Variants in SORBS2 observed in about 807,000 individuals in gnomAD.
SORBS2 encodes the protein sorbin and SH3 domain-containing protein 2.
SORBS2 carries 46 observed loss-of-function variants against 97.7 expected under a neutral mutation model. The observed-to-expected ratio is 0.47, with a 90% CI of 0.37 to 0.60. The LOEUF (loss-of-function observed/expected upper bound fraction) is 0.60, where lower values mean the gene tolerates loss of function less well. Ranked by LOEUF, SORBS2 falls within the 20% of genes least tolerant of loss-of-function variation. The pLI, the probability that SORBS2 is intolerant of heterozygous loss-of-function variation, is 0.00. For synonymous variants in SORBS2, 476 were observed against 473.4 expected, an observed-to-expected ratio of 1.01 and a Z score of -0.07; for missense variants, 1,316 against 1,282.3, an observed-to-expected ratio of 1.03 and a Z score of -0.40.
At chr4:185,614,575 C>A in intron 11 of SORBS2, 1 of 432,014 alleles carries the variant, frequency 2.3e-6, no homozygotes, top group Non-Finnish European at 4.1e-6. Context: ...TTTTCAGCCC[C>A]ATGCCCGGCT....
At chr4:185,897,139 C>G (rs11733555) in intron 1 of SORBS2, among the ~76,000 whole-genome samples, 112,294 of 152,062 alleles carry the variant, frequency 0.74, 41,524 homozygotes, top group Middle Eastern at 0.86. Flanking sequence ...TCCTCCAGGA[C>G]CGTCACAGTA....
At chr4:185,688,317 G>A (rs1043456538) in intron 2 of SORBS2, among the ~76,000 whole-genome samples, 1 of 151,622 alleles carries the variant, frequency 6.6e-6, no homozygotes, top group Non-Finnish European at 1.5e-5. Flanking sequence ...ATTTAAATAG[G>A]AATATATATT....
intron 1 of SORBS2, among the ~76,000 whole-genome samples, chr4:185,792,791 A>G (rs1032754802): frequency 6.6e-6 from 1 of 152,244 alleles, no homozygotes; most frequent in African/African-American, 2.4e-5. Flanking sequence ...TGAGAAATGT[A>G]ACATTTTCTT....
At chr4:185,948,151 G>T (rs1306883191) in intron 1 of SORBS2, among the ~76,000 whole-genome samples, 2 of 152,108 alleles carry the variant, frequency 1.3e-5, no homozygotes, top group Admixed American at 6.6e-5. Context: ...ATCCTCTGAT[G>T]CAGCTTCTCT....
chr4:185,928,491 C>T (rs986144355), intron 1 of SORBS2, among the ~76,000 whole-genome samples: 6 of 152,264 alleles, frequency 3.9e-5, no homozygotes, highest in African/African-American at 9.6e-5. Context: ...TTGAGCACTG[C>T]GGGAGAGTCA....
At chr4:185,672,191 A>G (rs891356808) in intron 4 of SORBS2, among the ~76,000 whole-genome samples, 4 of 152,208 alleles carry the variant, frequency 2.6e-5, no homozygotes, top group Non-Finnish European at 5.9e-5. Context: ...TGTCCTCCTT[A>G]GTATCTACAT....
rs143426605 is a variant in SORBS2, at chr4:185,687,449, T to C, written c.-197-8627A>G. ...TAATATTAGTAAGTAATTCTTGTTA[T>C]AAAGAAAGAAATAAAACTATTTTCT... On this transcript the variant is annotated intron_variant, in intron 2 of 20. Transcript: ENST00000284776. 6.7e-3 allele frequency among the ~76,000 whole-genome samples: 1,026 copies of C among 152,372 alleles called. 14 individuals carry two copies. The highest frequency in any genetic ancestry group is 0.024 in the African/African-American group (990 of 41,596).
intron 1 of SORBS2, among the ~76,000 whole-genome samples, chr4:185,907,742 T>C (rs1248130001): frequency 6.6e-6 from 1 of 152,216 alleles, no homozygotes; most frequent in East Asian, 1.9e-4. Flanking sequence ...GCTAAGCACA[T>C]GCACTCTCTC....
At chr4:185,789,311 C>G (rs1483551191) in intron 1 of SORBS2, among the ~76,000 whole-genome samples, 1 of 152,110 alleles carries the variant, frequency 6.6e-6, no homozygotes, top group Non-Finnish European at 1.5e-5. Context: ...CTTAAGCAGT[C>G]CTGTAGAGAA....
chr4:185,852,684 G>C (rs1038787370), intron 1 of SORBS2, among the ~76,000 whole-genome samples: 1 of 152,162 alleles, frequency 6.6e-6, no homozygotes, highest in Admixed American at 6.5e-5. Context: ...CTCTGCGGTA[G>C]GTTATTCTGC....
intron 12 of SORBS2, among the ~76,000 whole-genome samples, chr4:185,602,869 C>G (rs1399932557): frequency 6.6e-6 from 1 of 152,094 alleles, no homozygotes; most frequent in East Asian, 1.9e-4. Context: ...CTTTCAATGA[C>G]TACAAAATAG....
intron 1 of SORBS2, among the ~76,000 whole-genome samples, chr4:185,886,366 T>C (rs986697447): frequency 2.0e-5 from 3 of 151,830 alleles, no homozygotes; most frequent in African/African-American, 7.3e-5. Context: ...CCAGCCTGGC[T>C]AACACAGTGA....
chr4:185,622,913 C>T lies in SORBS2; in HGVS notation c.2215+1G>A. 6.2e-7 allele frequency: 1 copy of T among 1,601,442 alleles called. No homozygotes were observed. The highest frequency in any genetic ancestry group is 8.5e-7 in the Non-Finnish European group (1 of 1,173,282). ...GGAAAAAGAAAGAAAAGCTCATCCA[C>T]CTTGGAGTGCACCGCCACGGTCTTG... On this transcript the variant is annotated splice_donor_variant, in intron 7 of 14. Coordinates refer to ENST00000418609, the Ensembl canonical transcript of SORBS2. LOFTEE classifies it high-confidence loss of function.
At chr4:185,627,962 C>T (rs914747922) in intron 5 of SORBS2, among the ~76,000 whole-genome samples, 10 of 152,224 alleles carry the variant, frequency 6.6e-5, no homozygotes, top group South Asian at 4.2e-4. Flanking sequence ...TTCCTGCACT[C>T]GGTGATACAC....
At chr4:185,781,342 T>C (rs2099027685) in intron 1 of SORBS2, among the ~76,000 whole-genome samples, 1 of 152,232 alleles carries the variant, frequency 6.6e-6, no homozygotes, top group Non-Finnish European at 1.5e-5. Flanking sequence ...TCTATTCCAT[T>C]TGAAATTGAG....
At chr4:185,887,083 C>G (rs1057002641) in intron 1 of SORBS2, among the ~76,000 whole-genome samples, 6 of 152,142 alleles carry the variant, frequency 3.9e-5, no homozygotes, top group Non-Finnish European at 7.3e-5. Flanking sequence ...ACAGCCTGGG[C>G]AGCTGTCTGC....
At chr4:185,613,252 A>T (rs2096570001) in intron 11 of SORBS2, among the ~76,000 whole-genome samples, 1 of 152,146 alleles carries the variant, frequency 6.6e-6, no homozygotes, top group South Asian at 2.1e-4. Context: ...GCTACCCAAG[A>T]AGAACTTCGA....
exon 1 of SORBS2, chr4:185,656,733 C>T (rs922069081): frequency 5.2e-6 from 8 of 1,541,712 alleles, no homozygotes; most frequent in Non-Finnish European, 6.1e-6. Context: ...TCAGAAGCTG[C>T]CTCTGCTACT....
intron 1 of SORBS2, among the ~76,000 whole-genome samples, chr4:185,865,331 A>T (rs575246815): frequency 9.9e-4 from 151 of 152,330 alleles, no homozygotes; most frequent in African/African-American, 3.5e-3. Context: ...TGGCTGCTGC[A>T]TCTACCTGCT....
Sources: allele counts gnomAD v4.1 joint callset (sites outside exome capture counted in the v4.1 genomes callset), GRCh38; gene constraint gnomAD v4.1.1; transcripts MANE v1.5; gene names NCBI Gene and HGNC (gene_info 2026-07-23, HGNC 2026-07-21).